The following TMEM115 variants were observed in gnomAD, a reference collection of about 807,000 sequenced individuals.
TMEM115 encodes the protein PP6.
TMEM115 carries 8 observed loss-of-function variants against 20.1 expected under a neutral mutation model. The ratio of observed to expected loss-of-function variants is 0.40; its 90% CI spans 0.23 to 0.72. The LOEUF (loss-of-function observed/expected upper bound fraction) is 0.72. Among genes scored for constraint, TMEM115 ranks in the 30% least tolerant of loss-of-function variants. TMEM115 has a pLI of 0.39. For missense variants in TMEM115, 374 were observed against 455.1 expected, an observed-to-expected ratio of 0.82 and a Z score of 1.62; for synonymous variants, 229 against 206.2, an observed-to-expected ratio of 1.11 and a Z score of -0.95.
Position 50,355,179 on chromosome 3 carries a change from G to T in TMEM115, c.*164C>A. ...AGTGGTTGTCTGGAGTTGGAACCAGGTAGCAAGAGTCCTGGGTAGTGTTGG... is the reference window on the plus strand; with the variant it reads ...AGTGGTTGTCTGGAGTTGGAACCAGTTAGCAAGAGTCCTGGGTAGTGTTGG... On this transcript the variant is annotated 3_prime_UTR_variant, in exon 2 of 2. Coordinates refer to ENST00000266025, the MANE Select transcript of TMEM115 (RefSeq NM_007024.5). 1 of 485,748 alleles carries T rather than the reference G, an allele frequency of 2.1e-6. No homozygotes were observed. 30.1% of individuals were successfully genotyped at this position (485,748 alleles called of 1,614,324 possible).
At position 50,358,696 on chromosome 3, in the gene TMEM115, G is replaced by C; in HGVS notation, c.368C>G (p.Ala123Gly). ...GAACAGGTAGACCAGGTTGAAGGAAGCCATGTAGGTGAGGAGGTAGGCGAA... is the reference window on the plus strand; with the variant it reads ...GAACAGGTAGACCAGGTTGAAGGAACCCATGTAGGTGAGGAGGTAGGCGAA... ...GAFAYLLTYMASFNLVYLFTV... is the reference protein window; with the variant it reads ...GAFAYLLTYMGSFNLVYLFTV... The change falls in exon 1 of 2, where the codon GCT becomes GGT. Residue 123 changes from alanine to glycine, a missense_variant. Coordinates refer to ENST00000266025, the MANE Select transcript of TMEM115 (RefSeq NM_007024.5). The C allele has an allele frequency of 6.2e-7, 1 of 1,613,544 alleles. No individual in the cohort carries two copies. Among genetic ancestry groups the C allele is most frequent in the Non-Finnish European group, 8.5e-7 (1 of 1,180,030 alleles).
rs1476751538 is a variant in TMEM115 at position 50,358,452 on chromosome 3, A to T, written c.612T>A (p.Tyr204Ter). ...YGFGLLSSWV[Y>*]LRFYQRHSRG... The stretch of plus-strand genomic sequence containing the variant: ...GGCTATGGCGCTGGTAGAAGCGAAG[A>T]TATACCCAACTGGAGAGCAGCCCGA... The change falls in exon 1 of 2, where the codon TAT becomes TAA. Residue 204 changes from tyrosine to a stop codon, truncating the protein, a stop_gained. Transcript: ENST00000266025. LOFTEE classifies it high-confidence loss of function. 1 of 1,613,652 alleles carries T rather than the reference A, an allele frequency of 6.2e-7. No individual in the cohort carries two copies. The highest frequency in any genetic ancestry group is 1.7e-5 in the Admixed American group (1 of 60,030).
chr3:50,358,870 T>C lies in TMEM115; in HGVS notation c.194A>G (p.His65Arg). ...PNFWIWTLAT[H>R]GLMEQHVWDV... ...CCACACATGCTGCTCCATCAGCCCA[T>C]GGGTGGCCAGGGTCCAGATCCAGAA... Residue 65 changes from histidine to arginine, a missense_variant, in exon 1 of 2, where the codon CAT (histidine) becomes CGT (arginine). By Grantham distance (29) the His-to-Arg change is conservative (BLOSUM62 0). Coordinates refer to ENST00000266025, the MANE Select transcript of TMEM115 (RefSeq NM_007024.5). 1.2e-6 allele frequency: 2 copies of C among 1,613,256 alleles called. No homozygotes were observed. Among genetic ancestry groups the C allele is most frequent in the Non-Finnish European group, 8.5e-7 (1 of 1,180,000 alleles).
At position 50,358,762 on chromosome 3, in the gene TMEM115, A is replaced by C; in HGVS notation, c.302T>G (p.Phe101Cys). The change falls in exon 1 of 2, where the codon TTC becomes TGC. Residue 101 changes from phenylalanine (F) to cysteine (C), a missense_variant. Coordinates refer to ENST00000266025, the MANE Select transcript of TMEM115 (RefSeq NM_007024.5). The part of the protein sequence containing the change: ...PLWGALELLI[F>C]FSVVNVSVGL... The stretch of plus-strand genomic sequence containing the variant: ...TACAGACACATTCACCACTGAGAAG[A>C]AGATGAGCAGCTCCAAGGCCCCCCA... 2 of 1,613,424 alleles carry C rather than the reference A, an allele frequency of 1.2e-6. No individual in the cohort carries two copies. The highest frequency in any genetic ancestry group is 1.7e-6 in the Non-Finnish European group (2 of 1,180,030).
chr3:50,355,411 G>A lies in TMEM115; in HGVS notation c.988C>T (p.Pro330Ser), dbSNP rs370163111. The change falls in exon 2 of 2, where the codon CCC becomes TCC. Residue 330 changes from proline (P) to serine (S), a missense_variant. Physicochemically the swap from Pro to Ser is moderately conservative, Grantham distance 74. Coordinates refer to ENST00000266025, the MANE Select transcript of TMEM115 (RefSeq NM_007024.5). ...TCTGGGGCAGCCCCCTTCCCTGGGG[G>A]TGTGGGAGCTTTGTCTGAGGGCAGG... is the stretch of plus-strand genomic sequence containing the variant. ...SPLPSDKAPT[P>S]PGKGAAPESS... 8.8e-6 allele frequency: 14 copies of A among 1,585,004 alleles called. No homozygotes were observed. Among genetic ancestry groups the A allele is most frequent in the East Asian group, 7.0e-5 (3 of 42,780 alleles).
At chr3:50,357,940 T>C (rs992005584) in intron 1 of TMEM115, among the ~76,000 whole-genome samples, 2 of 152,182 alleles carry the variant, frequency 1.3e-5, no homozygotes, top group African/African-American at 4.8e-5. Context: ...AAGGCCAGGG[T>C]TCTGTGTCCC....
In TMEM115 at chr3:50,358,685, G is replaced by T. The variant is rs773887068; in HGVS notation, c.379C>A (p.Leu127Met). The T allele has an allele frequency of 6.2e-7, 1 of 1,613,370 alleles. No homozygotes were observed. The highest frequency in any genetic ancestry group is 8.5e-7 in the Non-Finnish European group (1 of 1,180,040). Residue 127 changes from leucine to methionine, a missense_variant, in exon 1 of 2, where the codon CTG becomes ATG. By Grantham distance (15) the Leu-to-Met change is conservative (BLOSUM62 2). Transcript: ENST00000266025. The part of the protein sequence containing the change: ...YLLTYMASFN[L>M]VYLFTVRIHG... ...ATACGGACAGTGAACAGGTAGACCA[G>T]GTTGAAGGAAGCCATGTAGGTGAGG...
At position 50,358,773 on chromosome 3, in the gene TMEM115, C is replaced by T. The variant is rs748218306; in HGVS notation, c.291G>A (p.Glu97=). Residue 97 remains glutamate, a synonymous_variant, in exon 1 of 2, where the codon GAG becomes GAA. Transcript: ENST00000266025. Reference sequence around the variant, plus strand: ...TCACCACTGAGAAGAAGATGAGCAGCTCCAAGGCCCCCCAGAGGGGCTCCA... The same window carrying T: ...TCACCACTGAGAAGAAGATGAGCAGTTCCAAGGCCCCCCAGAGGGGCTCCA... ...RLLEPLWGAL[E]LLIFFSVVNV... The T allele has an allele frequency of 1.9e-6, 3 of 1,613,402 alleles. No individual in the cohort carries two copies. The South Asian group carries it at 3.3e-5, about 18-fold the overall frequency.
chr3:50,355,986 T>A (rs996764456), intron 1 of TMEM115, among the ~76,000 whole-genome samples: 1 of 152,178 alleles, frequency 6.6e-6, no homozygotes, highest in African/African-American at 2.4e-5. Context: ...TCTCCCCCTC[T>A]CCTGGTTAGG....
rs373743334 is a variant in TMEM115, at chr3:50,358,988, G to T, written c.76C>A (p.Leu26Met). Residue 26 changes from leucine to methionine, a missense_variant, in exon 1 of 2, where the codon CTG becomes ATG. Transcript: ENST00000266025. Reference sequence around the variant, plus strand: ...TAGAGGAATAGTACCGCCGCACACAGAGCCTTCACCACCACGCTGGCGCTG... The same window carrying T: ...TAGAGGAATAGTACCGCCGCACACATAGCCTTCACCACCACGCTGGCGCTG... ...LASASVVVKA[L>M]CAAVLFLYLL... The T allele has an allele frequency of 6.3e-7, 1 of 1,593,706 alleles. No individual in the cohort carries two copies. Among genetic ancestry groups the T allele is most frequent in the Non-Finnish European group, 8.5e-7 (1 of 1,170,586 alleles).
chr3:50,357,614 C>T (rs1455373025), intron 1 of TMEM115, among the ~76,000 whole-genome samples: 5 of 152,296 alleles, frequency 3.3e-5, no homozygotes, highest in African/African-American at 4.8e-5. Context: ...AAAGGGTCAT[C>T]GCCACTCCCT....
chr3:50,355,786 G>C lies in TMEM115; in HGVS notation c.852-239C>G, dbSNP rs146582711. Among the ~76,000 whole-genome samples the C allele has an allele frequency of 5.8e-4, 89 of 152,320 alleles. 3 individuals are homozygous for C. The East Asian group carries it at 0.012, about 21-fold the overall frequency. On this transcript the variant is annotated intron_variant, in intron 1 of 1. Coordinates refer to ENST00000266025, the MANE Select transcript of TMEM115 (RefSeq NM_007024.5). ...TTCCCTCCATAGCTGAGGCACCTCC[G>C]GGATGGGAAGGTCAGCTGGGTGTCT...
chr3:50,355,069 T>A lies in TMEM115; in HGVS notation c.*274A>T, dbSNP rs1235493845. ...TGGCATCAGTGTCCCTGCAGCCACT[T>A]GCTTGGGGCTGCCAGCTGATGTACA... On this transcript the variant is annotated 3_prime_UTR_variant, in exon 2 of 2. Coordinates refer to ENST00000266025, the MANE Select transcript of TMEM115 (RefSeq NM_007024.5). 5.9e-6 allele frequency: 2 copies of A among 341,338 alleles called. No homozygotes were observed. Among genetic ancestry groups the A allele is most frequent in the Non-Finnish European group, 1.1e-5 (2 of 189,232 alleles). 21.1% of individuals were successfully genotyped at this position (341,338 alleles called of 1,614,324 possible).
At position 50,359,383 on chromosome 3, in the gene TMEM115, C is replaced by G. The variant is rs587776028; in HGVS notation, c.-320G>C. ...CGTTGACCTCAGGGCTGGGCCTCCTCCATCCACTGCGAGGCCCTTCGGTTC... is the reference window on the plus strand; with the variant it reads ...CGTTGACCTCAGGGCTGGGCCTCCTGCATCCACTGCGAGGCCCTTCGGTTC... On this transcript the variant is annotated 5_prime_UTR_variant, in exon 1 of 2. Transcript: ENST00000266025. 2.2e-3 allele frequency: 722 copies of G among 334,684 alleles called. 4 individuals are homozygous for G. The highest frequency in any genetic ancestry group is 9.7e-3 in the Admixed American group (219 of 22,466). The allele number at this position is 334,684 out of a possible 1,614,324, so 20.7% of individuals were successfully genotyped here. A position where few individuals can be genotyped will look rare whatever the true frequency, so the allele number is the denominator to read the frequency against.
chr3:50,355,301 G>C lies in TMEM115; in HGVS notation c.*42C>G. The stretch of plus-strand genomic sequence containing the variant: ...TGGAGTAGCTGAGAGGATGTCAAGG[G>C]GGGCTTGGGAGGGGAGGTGCCACAC... On this transcript the variant is annotated 3_prime_UTR_variant, in exon 2 of 2. Coordinates refer to ENST00000266025, the MANE Select transcript of TMEM115 (RefSeq NM_007024.5). 1 of 1,394,910 alleles carries C rather than the reference G, an allele frequency of 7.2e-7. No individual in the cohort carries two copies. 86.4% of individuals were successfully genotyped at this position (1,394,910 alleles called of 1,614,324 possible).
Position 50,358,311 on chromosome 3 carries a change from C to A in TMEM115, c.753G>T (p.Lys251Asn). 1 of 1,613,814 alleles carries A rather than the reference C, an allele frequency of 6.2e-7. No homozygotes were observed. The highest frequency in any genetic ancestry group is 8.5e-7 in the Non-Finnish European group (1 of 1,180,040). ...AGCGCTTCACCGTCTTCTGGCATAT[C>A]TTTACCTTCACCAGGAGGCTGTGCA... ...NLVHSLLVKV[K>N]ICQKTVKRYD... The change falls in exon 1 of 2, where the codon AAG (lysine) becomes AAT (asparagine). Residue 251 changes from lysine to asparagine, a missense_variant. Coordinates refer to ENST00000266025, the MANE Select transcript of TMEM115 (RefSeq NM_007024.5).
At chr3:50,356,894 C>A (rs976517381) in intron 1 of TMEM115, among the ~76,000 whole-genome samples, 4 of 152,230 alleles carry the variant, frequency 2.6e-5, no homozygotes, top group African/African-American at 9.6e-5. Context: ...CTGCTTCCCC[C>A]CTGTCCATTT....
Position 50,355,237 on chromosome 3 carries a change from G to T in TMEM115, c.*106C>A. The T allele has an allele frequency of 1.2e-6, 1 of 843,274 alleles. No homozygotes were observed. The highest frequency in any genetic ancestry group is 1.8e-6 in the Non-Finnish European group (1 of 565,602). The allele number at this position is 843,274 out of a possible 1,614,324, so 52.2% of individuals were successfully genotyped here. On this transcript the variant is annotated 3_prime_UTR_variant, in exon 2 of 2. Transcript: ENST00000266025. ...CAGCAGAAGGCCATGGAAAGCCCCA[G>T]CAGGCCTTCTTCCCTCTCCTCAGAG... is the stretch of plus-strand genomic sequence containing the variant.
chr3:50,358,479 G>A lies in TMEM115; in HGVS notation c.585C>T (p.Gly195=). The A allele has an allele frequency of 6.2e-7, 1 of 1,613,054 alleles. No homozygotes were observed. Among genetic ancestry groups the A allele is most frequent in the Non-Finnish European group, 8.5e-7 (1 of 1,180,014 alleles). ...LLQSPALASY[G]FGLLSSWVYL... ...ATACCCAACTGGAGAGCAGCCCGAA[G>A]CCATAGGAAGCCAGCGCCGGGCTCT... Residue 195 remains glycine (G), a synonymous_variant, in exon 1 of 2, where the codon GGC becomes GGT. Coordinates refer to ENST00000266025, the MANE Select transcript of TMEM115 (RefSeq NM_007024.5).
Sources: gnomAD v4.1 joint callset for allele counts (sites outside exome capture counted in the v4.1 genomes callset) on GRCh38, gnomAD v4.1.1 for gene constraint, MANE v1.5 for transcripts, NCBI Gene and HGNC (gene_info 2026-07-23, HGNC 2026-07-21) for gene names.